Variants in SACM1L observed in about 807,000 individuals in gnomAD.
SACM1L encodes phosphatidylinositol-3-phosphatase SAC1.
In SACM1L, 32 loss-of-function variants were observed where a neutral mutation model predicts 89.5. That is an observed-to-expected ratio of 0.36 (90% CI 0.27 to 0.48). The LOEUF is 0.48. Ranked by LOEUF, SACM1L falls within the 20% of genes least tolerant of loss-of-function variation. SACM1L has a pLI of 0.99. For synonymous variants in SACM1L, 213 were observed against 232.8 expected (o/e 0.92, Z 0.77); for missense variants, 543 against 708.5 (o/e 0.77, Z 2.65).
chr3:45,708,715 G>C (rs992178706), intron 4 of SACM1L, among the ~76,000 whole-genome samples: 8 of 151,972 alleles, frequency 5.3e-5, no homozygotes, highest in African/African-American at 1.9e-4. Context: ...ATTCTTTGTT[G>C]TCAAGCTGTG....
intron 11 of SACM1L, among the ~76,000 whole-genome samples, chr3:45,728,972 C>T (rs1698987322): frequency 6.6e-6 from 1 of 152,200 alleles, no homozygotes; most frequent in South Asian, 2.1e-4. Context: ...CCATTCCTGA[C>T]TGCATTTGAC....
rs541973400 is a variant in SACM1L at position 45,704,364 on chromosome 3, G to A, written c.131-771G>A. Among the ~76,000 whole-genome samples, 75 of 152,278 alleles carry A rather than the reference G, an allele frequency of 4.9e-4. 1 individual carries two copies. Among genetic ancestry groups the A allele is most frequent in the Non-Finnish European group, 7.9e-4 (54 of 68,018 alleles). On this transcript the variant is annotated intron_variant, in intron 2 of 19. Coordinates refer to ENST00000389061, the MANE Select transcript of SACM1L (RefSeq NM_014016.5). Reference sequence around the variant, plus strand: ...CATGAGATAATGGGGTGTAAGACAAGTATGGCTATAAAATTTCTGTTTTTT... The same window carrying A: ...CATGAGATAATGGGGTGTAAGACAAATATGGCTATAAAATTTCTGTTTTTT...
chr3:45,730,307 G>GCATATA (rs1553655005), intron 11 of SACM1L, among the ~76,000 whole-genome samples: 1 of 148,232 alleles, frequency 6.7e-6, no homozygotes, highest in Non-Finnish European at 1.5e-5. Context: ...GTTTGCTGGG[G>GCATATA]TTTTTTTTGT....
intron 1 of SACM1L, among the ~76,000 whole-genome samples, chr3:45,691,869 T>C (rs935491096): frequency 6.6e-6 from 1 of 152,254 alleles, no homozygotes; most frequent in African/African-American, 2.4e-5. Flanking sequence ...ACCTTTCTAA[T>C]GCTCTGGTTT....
At chr3:45,704,125 TTCCA>T in intron 2 of SACM1L, among the ~76,000 whole-genome samples, 1 of 152,220 alleles carries the variant, frequency 6.6e-6, no homozygotes, top group East Asian at 1.9e-4. Flanking sequence ...CACCCTGACT[TTCCA>T]AATAGATAAA....
intron 4 of SACM1L, among the ~76,000 whole-genome samples, chr3:45,709,078 C>T (rs934977507): frequency 2.6e-5 from 4 of 152,078 alleles, no homozygotes; most frequent in Non-Finnish European, 4.4e-5. Flanking sequence ...TTATTGGGCC[C>T]GTCGTAAATT....
At chr3:45,723,031 T>A (rs939095387) in intron 10 of SACM1L, 76 bp downstream of exon 10, 21 of 1,193,094 alleles carry the variant, frequency 1.8e-5, no homozygotes, top group Middle Eastern at 1.9e-4. Context: ...GTAAAGAATG[T>A]ATTTATTCCG....
At position 45,703,533 on chromosome 3, in the gene SACM1L, C is replaced by T; in HGVS notation, c.128C>T (p.Ala43Val). The T allele has an allele frequency of 6.2e-7, 1 of 1,602,554 alleles. No individual in the cohort carries two copies. Among genetic ancestry groups the T allele is most frequent in the Non-Finnish European group, 8.5e-7 (1 of 1,170,250 alleles). ...CGTGTGTCCACAGAGGTTACCCTTG[C>T]AGGTATTTTACAGCCAGATTTAGAA... ...IDRVSTEVTL[A>V]VKKDVPPSAV... Residue 43 changes from alanine to valine, a missense_variant and splice_region_variant, in exon 2 of 20, where the codon GCA (alanine) becomes GTA (valine). Transcript: ENST00000389061.
intron 8 of SACM1L, among the ~76,000 whole-genome samples, chr3:45,721,561 C>T (rs1235546731): frequency 2.6e-5 from 4 of 152,114 alleles, no homozygotes; most frequent in African/African-American, 7.2e-5. Flanking sequence ...CCTATCTTTA[C>T]GTTGAGTATT....
intron 2 of SACM1L, among the ~76,000 whole-genome samples, chr3:45,703,953 G>T (rs750700849): frequency 6.6e-4 from 100 of 152,244 alleles, no homozygotes; most frequent in Non-Finnish European, 1.0e-3. Context: ...TCATGACTAT[G>T]TGGAAATTTA....
chr3:45,695,618 T>C (rs1045205927), intron 1 of SACM1L, among the ~76,000 whole-genome samples: 2 of 152,232 alleles, frequency 1.3e-5, no homozygotes, highest in African/African-American at 4.8e-5. Flanking sequence ...TTATGACATA[T>C]CACTGTGGCT....
intron 11 of SACM1L, among the ~76,000 whole-genome samples, chr3:45,726,759 C>A (rs1019358632): frequency 2.0e-5 from 3 of 150,026 alleles, no homozygotes; most frequent in Non-Finnish European, 3.0e-5. Flanking sequence ...GTTTGCTCTT[C>A]TTTTTCTTGT....
At chr3:45,718,322 C>T (rs1239324333) in intron 7 of SACM1L, among the ~76,000 whole-genome samples, 2 of 149,852 alleles carry the variant, frequency 1.3e-5, no homozygotes, top group Non-Finnish European at 3.0e-5. Context: ...AAAAGCTGTT[C>T]AGACTAAACA....
At chr3:45,689,953 T>A (rs1697931206) in intron 1 of SACM1L, 1 of 177,106 alleles carries the variant, frequency 5.6e-6, no homozygotes, top group Admixed American at 5.8e-5. Flanking sequence ...ACAGCCTATC[T>A]GGGTACCGAA....
chr3:45,717,251 C>G (rs1274579882), intron 7 of SACM1L, among the ~76,000 whole-genome samples: 1 of 152,198 alleles, frequency 6.6e-6, no homozygotes, highest in Non-Finnish European at 1.5e-5. Context: ...CAGCACTTCT[C>G]CAATGCATAC....
In SACM1L at chr3:45,732,080, A is replaced by G; in HGVS notation, c.1029A>G (p.Glu343=). ...ACATTGCCTTTGACTTCCATAAGGA[A>G]TGTAAAAATATGAGATGGGATCGAC... ...MRYIAFDFHK[E]CKNMRWDRLS... The change falls in exon 13 of 20, where the codon GAA becomes GAG. Residue 343 remains glutamate, a synonymous_variant. Transcript: ENST00000389061. 1 of 1,600,136 alleles carries G rather than the reference A, an allele frequency of 6.2e-7. No homozygotes were observed. Among genetic ancestry groups the G allele is most frequent in the Non-Finnish European group, 8.5e-7 (1 of 1,175,144 alleles).
At chr3:45,695,173 T>C (rs993224326) in intron 1 of SACM1L, among the ~76,000 whole-genome samples, 2 of 152,168 alleles carry the variant, frequency 1.3e-5, no homozygotes, top group Non-Finnish European at 2.9e-5. Flanking sequence ...CTAAGTTGTT[T>C]TCTTTTTGCT....
rs374609009 is a variant in SACM1L at position 45,738,684 on chromosome 3, T to C, written c.1476+13T>C. The C allele has an allele frequency of 1.7e-5, 26 of 1,575,008 alleles. No homozygotes were observed. The highest frequency in any genetic ancestry group is 2.2e-5 in the Non-Finnish European group (25 of 1,144,720). ...TGGATTTAGACAAGTAAGTTTGTATTTGATGCTTTCCTGGCATTACGTGGT... is the reference window on the plus strand; with the variant it reads ...TGGATTTAGACAAGTAAGTTTGTATCTGATGCTTTCCTGGCATTACGTGGT... On this transcript the variant is annotated intron_variant, in intron 17 of 19. Coordinates refer to ENST00000389061, the MANE Select transcript of SACM1L (RefSeq NM_014016.5).
intron 12 of SACM1L, among the ~76,000 whole-genome samples, chr3:45,731,783 T>G (rs1699058580): frequency 6.6e-6 from 1 of 152,206 alleles, no homozygotes; most frequent in South Asian, 2.1e-4. Context: ...GAAGAACCTG[T>G]GAGGATAGAT....
Sources: gnomAD v4.1 joint callset for allele counts (sites outside exome capture counted in the v4.1 genomes callset) on GRCh38, gnomAD v4.1.1 for gene constraint, MANE v1.5 for transcripts, NCBI Gene and HGNC (gene_info 2026-07-23, HGNC 2026-07-21) for gene names.